The following ACSL5 variants were observed in gnomAD, a reference collection of about 807,000 sequenced individuals.
The protein encoded by ACSL5 is acyl-CoA synthetase long chain family member 5, also known as long-chain-fatty-acid--CoA ligase 5.
A neutral mutation model predicts 84.9 loss-of-function variants in ACSL5; 50 were observed. The ratio of observed to expected loss-of-function variants is 0.59; its 90% CI spans 0.47 to 0.75. The LOEUF (loss-of-function observed/expected upper bound fraction) is 0.75. ACSL5 is among the 30% of genes least tolerant of loss of function. ACSL5 has a pLI of 0.00. For synonymous variants in ACSL5, 280 were observed against 300.7 expected, an observed-to-expected ratio of 0.93 and a Z score of 0.71; for missense variants, 775 against 830.4, an observed-to-expected ratio of 0.93 and a Z score of 0.82.
chr10:112,384,915 T>C (rs1270963723), intron 1 of ACSL5, among the ~76,000 whole-genome samples: 5 of 152,216 alleles, frequency 3.3e-5, no homozygotes, highest in African/African-American at 9.6e-5. Context: ...GTCCAAATAT[T>C]TTTTTCTTTC....
In ACSL5 at chr10:112,422,414, C is replaced by T; in HGVS notation, c.1566C>T (p.His522=). ...QEALDSDGWL[H]TGDIGRWLPN... The stretch of plus-strand genomic sequence containing the variant: ...CCCTGGACAGTGATGGCTGGCTTCA[C>T]ACAGGAGACATTGGTCGCTGGCTCC... Residue 522 remains histidine (H), a synonymous_variant, in exon 17 of 21, where the codon CAC becomes CAT. Transcript: ENST00000354655. 6.2e-7 allele frequency: 1 copy of T among 1,614,142 alleles called. No homozygotes were observed. Among genetic ancestry groups the T allele is most frequent in the Non-Finnish European group, 8.5e-7 (1 of 1,179,998 alleles).
chr10:112,401,843 C>T (rs3981453), intron 3 of ACSL5, among the ~76,000 whole-genome samples: 12,079 of 58,744 alleles, frequency 0.21, 542 homozygotes, highest in East Asian at 0.29. Flanking sequence ...TTTCTTTCTT[C>T]CTTCCTTCCT....
rs143758009 is a variant in ACSL5, at chr10:112,403,022, C to A, written c.266-1489C>A. ...AGTTTAGATATTCAGAAGTTTAATT[C>A]TTTTATTGTCAAATGCAAGATGTAA... On this transcript the variant is annotated intron_variant, in intron 3 of 20. Coordinates refer to ENST00000354655, the MANE Select transcript of ACSL5 (RefSeq NM_203379.2). Among the ~76,000 whole-genome samples the A allele has an allele frequency of 1.3e-3, 191 of 152,290 alleles. 1 individual carries two copies. The highest frequency in any genetic ancestry group is 2.2e-3 in the Non-Finnish European group (148 of 68,024).
intron 3 of ACSL5, among the ~76,000 whole-genome samples, chr10:112,401,792 CTTTCTTTCTTT>C (rs1843901624): frequency 8.0e-4 from 76 of 94,828 alleles, no homozygotes; most frequent in African/African-American, 2.6e-3. Flanking sequence ...CTTTCTCTTT[CTTTCTTTCTTT>C]CTTTCTTTCT....
At chr10:112,406,518 T>G (rs892104510) in intron 5 of ACSL5, 3 of 152,226 alleles carry the variant, frequency 2.0e-5, no homozygotes, top group African/African-American at 7.2e-5. Flanking sequence ...GTCCATAACA[T>G]CTACATTGAT....
At chr10:112,417,064 G>A (rs183745492) in intron 13 of ACSL5, 42 bp downstream of exon 13, 55 of 1,599,790 alleles carry the variant, frequency 3.4e-5, no homozygotes, top group Non-Finnish European at 4.6e-5. Flanking sequence ...CAAATACCTG[G>A]GCTGCCTTCT....
At chr10:112,382,942 C>T (rs1274877344) in intron 1 of ACSL5, among the ~76,000 whole-genome samples, 1 of 152,204 alleles carries the variant, frequency 6.6e-6, no homozygotes, top group Admixed American at 6.5e-5. Flanking sequence ...TGTCTCCCTG[C>T]TCTGTCCACC....
chr10:112,416,980 G>C lies in ACSL5; in HGVS notation c.1176G>C (p.Arg392Ser). Residue 392 changes from arginine to serine, a missense_variant, in exon 13 of 21, where the codon AGG becomes AGC. By Grantham distance (110) the Arg-to-Ser change is moderately radical. Transcript: ENST00000354655. Reference protein sequence around the residue: ...KFKELQKGIIRHDSFWDKLIF... With the variant: ...KFKELQKGIISHDSFWDKLIF... ...AAGAGCTTCAAAAGGGTATCATCAG[G>C]CATGATAGTTTCTGGGACAAGCTCA... 1 of 1,614,010 alleles carries C rather than the reference G, an allele frequency of 6.2e-7. No homozygotes were observed. Among genetic ancestry groups the C allele is most frequent in the Non-Finnish European group, 8.5e-7 (1 of 1,179,968 alleles).
intron 18 of ACSL5, 83 bp from the exon 19 acceptor site, chr10:112,426,175 A>C: frequency 9.3e-7 from 1 of 1,079,674 alleles, no homozygotes; most frequent in African/African-American, 1.6e-5. Flanking sequence ...TTACAATGAC[A>C]TAATTCTGCT....
In ACSL5 at chr10:112,408,481, C is replaced by A. The variant is rs1188405686; in HGVS notation, c.492C>A (p.Asp164Glu). The A allele has an allele frequency of 6.2e-7, 1 of 1,613,618 alleles. No individual in the cohort carries two copies. The change falls in exon 6 of 21, where the codon GAC becomes GAA. Residue 164 changes from aspartate to glutamate, a missense_variant. Asp to Glu is a conservative substitution (Grantham distance 45). Coordinates refer to ENST00000354655, the MANE Select transcript of ACSL5 (RefSeq NM_203379.2). ...TYSMVAVPLY[D>E]TLGPEAIVHI... Reference sequence around the variant, plus strand: ...CTATGGTAGCTGTACCTCTGTATGACACCTTGGGACCAGAAGCCATCGTAC... The same window carrying A: ...CTATGGTAGCTGTACCTCTGTATGAAACCTTGGGACCAGAAGCCATCGTAC...
chr10:112,426,521 C>T lies in ACSL5; in HGVS notation c.1839+162C>T, dbSNP rs917086046. The T allele has an allele frequency of 1.7e-4, 111 of 636,364 alleles. 2 individuals are homozygous for T. The highest frequency in any genetic ancestry group is 1.3e-3 in the Middle Eastern group (3 of 2,330). The allele number at this position is 636,364 out of a possible 1,614,324, so 39.4% of individuals were successfully genotyped here. A position where few individuals can be genotyped will look rare whatever the true frequency, so the allele number is the denominator to read the frequency against. On this transcript the variant is annotated intron_variant, in intron 19 of 20. Coordinates refer to ENST00000354655, the MANE Select transcript of ACSL5 (RefSeq NM_203379.2). The stretch of plus-strand genomic sequence containing the variant: ...GATGGAGAGTTTAAAAAATAAAACT[C>T]TCTTTTCTATTTAAAATAATATGTT...
At chr10:112,419,350 G>T (rs1195979292) in intron 14 of ACSL5, 1 of 152,018 alleles carries the variant, frequency 6.6e-6, no homozygotes, top group Non-Finnish European at 1.5e-5. Context: ...TTTTATCCAT[G>T]AATTATTCTA....
At chr10:112,416,763 A>T in intron 12 of ACSL5, 125 bp from the exon 13 acceptor site, 5 of 1,077,212 alleles carry the variant, frequency 4.6e-6, no homozygotes, top group Non-Finnish European at 5.5e-6. Flanking sequence ...CAGCAATCCA[A>T]TTCATGACTG....
chr10:112,376,891 G>C (rs1373973223), intron 1 of ACSL5, among the ~76,000 whole-genome samples: 3 of 151,980 alleles, frequency 2.0e-5, no homozygotes, highest in African/African-American at 7.3e-5. Context: ...TTAAGTCTCA[G>C]GTGCTGCTTA....
chr10:112,398,784 A>G (rs1291737895), intron 2 of ACSL5, 117 bp from the exon 3 acceptor site: 1 of 780,972 alleles, frequency 1.3e-6, no homozygotes, highest in African/African-American at 1.7e-5. Context: ...ACTAGCGAAG[A>G]GAACATTCCC....
chr10:112,384,492 TTTTTG>T (rs959205137), intron 1 of ACSL5, among the ~76,000 whole-genome samples: 13 of 152,068 alleles, frequency 8.5e-5, no homozygotes, highest in African/African-American at 2.7e-4. Flanking sequence ...TTTTCTTGTT[TTTTTG>T]TTTTGTTTTG....
At chr10:112,383,401 G>A (rs140628741) in intron 1 of ACSL5, among the ~76,000 whole-genome samples, 1 of 152,394 alleles carries the variant, frequency 6.6e-6, no homozygotes, top group East Asian at 1.9e-4. Flanking sequence ...TGAATGGCTG[G>A]GAAGTTATCA....
At chr10:112,408,625 A>C (rs568869433) in intron 6 of ACSL5, 104 bp downstream of exon 6, 1 of 822,234 alleles carries the variant, frequency 1.2e-6, no homozygotes, top group East Asian at 2.5e-5. Context: ...AGCAAACTTG[A>C]AATGCTGTGG....
Position 112,413,240 on chromosome 10 carries a change from A to G in ACSL5, c.1016A>G (p.Asp339Gly). Residue 339 changes from aspartate to glycine, a missense_variant, in exon 12 of 21, where the codon GAC (aspartate) becomes GGC (glycine). Coordinates refer to ENST00000354655, the MANE Select transcript of ACSL5 (RefSeq NM_203379.2). The stretch of plus-strand genomic sequence containing the variant: ...GGGGATATTCGGTTGCTGGCTGACG[A>G]CATGAAGACTTTGAAGCCCACATTG... ...FQGDIRLLAD[D>G]MKTLKPTLFP... is the part of the protein sequence containing the mutation. The G allele has an allele frequency of 6.2e-7, 1 of 1,614,204 alleles. No individual in the cohort carries two copies. Among genetic ancestry groups the G allele is most frequent in the Non-Finnish European group, 8.5e-7 (1 of 1,180,014 alleles).
Sources: allele counts gnomAD v4.1 joint callset (sites outside exome capture counted in the v4.1 genomes callset), GRCh38; gene constraint gnomAD v4.1.1; transcripts MANE v1.5; gene names NCBI Gene and HGNC (gene_info 2026-07-23, HGNC 2026-07-21).